Variants in CHUK observed in about 807,000 individuals in gnomAD.
CHUK encodes the protein component of inhibitor of nuclear factor kappa B kinase complex.
A neutral mutation model predicts 104.8 loss-of-function variants in CHUK; 35 were observed. The observed-to-expected ratio is 0.33, with a 90% CI of 0.26 to 0.44. The LOEUF (loss-of-function observed/expected upper bound fraction) is 0.44, where lower values mean the gene tolerates loss of function less well. Among genes scored for constraint, CHUK ranks in the 20% least tolerant of loss-of-function variants. CHUK has a pLI of 1.00. For missense variants in CHUK, 663 were observed against 902.7 expected, an observed-to-expected ratio of 0.73 and a Z score of 3.40; for synonymous variants, 276 against 291.9, an observed-to-expected ratio of 0.95 and a Z score of 0.56.
At chr10:100,215,214 C>CAAA (rs913817319) in intron 9 of CHUK, among the ~76,000 whole-genome samples, 2,756 of 49,044 alleles carry the variant, frequency 0.056, 65 homozygotes, top group East Asian at 0.099. Context: ...GGCTCCATAT[C>CAAA]AAAAAAAAAA....
chr10:100,206,911 A>G (rs2134225031), intron 11 of CHUK, among the ~76,000 whole-genome samples: 1 of 152,324 alleles, frequency 6.6e-6, no homozygotes. Context: ...AATGAAATAA[A>G]TACTTGAACA....
intron 20 of CHUK, among the ~76,000 whole-genome samples, 156 bp from the exon 21 acceptor site, chr10:100,189,783 A>C (rs1845151078): frequency 6.6e-6 from 1 of 151,040 alleles, no homozygotes; most frequent in African/African-American, 2.4e-5. Context: ...AAAATTTCAG[A>C]GTTTTTTTCA....
chr10:100,189,482 A>G lies in CHUK; in HGVS notation c.*116T>C. ...CATAGTAGAAATGTAGTTTCTGTTCATAGCCATTTCTTCCATTGACTGATG... is the reference window on the plus strand; with the variant it reads ...CATAGTAGAAATGTAGTTTCTGTTCGTAGCCATTTCTTCCATTGACTGATG... On this transcript the variant is annotated 3_prime_UTR_variant, in exon 21 of 21. Coordinates refer to ENST00000370397, the MANE Select transcript of CHUK (RefSeq NM_001278.5). 2.4e-6 allele frequency: 2 copies of G among 818,164 alleles called. No homozygotes were observed. Among genetic ancestry groups the G allele is most frequent in the Non-Finnish European group, 4.4e-6 (2 of 457,610 alleles). 50.7% of individuals were successfully genotyped at this position (818,164 alleles called of 1,614,324 possible).
At chr10:100,199,311 T>C (rs1845409020) in intron 16 of CHUK, among the ~76,000 whole-genome samples, 1 of 152,112 alleles carries the variant, frequency 6.6e-6, no homozygotes, top group Admixed American at 6.5e-5. Flanking sequence ...CTCAAATTCT[T>C]TCCAACCTCT....
At position 100,193,495 on chromosome 10, in the gene CHUK, T is replaced by G. The variant is rs1313052525; in HGVS notation, c.1975-64A>C. The G allele has an allele frequency of 3.8e-6, 6 of 1,579,884 alleles. No homozygotes were observed. The East Asian group carries it at 1.3e-4, about 35-fold the overall frequency. ...AGCATCTCTGTTGATTCACACAATT[T>G]CTTATCATATTCCTAAGACTTACAT... On this transcript the variant is annotated intron_variant, in intron 18 of 20. Transcript: ENST00000370397.
intron 9 of CHUK, among the ~76,000 whole-genome samples, chr10:100,212,730 C>T (rs917513998): frequency 6.6e-6 from 1 of 152,044 alleles, no homozygotes; most frequent in Admixed American, 6.6e-5. Context: ...TGAGGCTGGG[C>T]GTGGTGGCTC....
At chr10:100,191,270 GTAAC>G (rs1013454875) in intron 19 of CHUK, among the ~76,000 whole-genome samples, 7 of 152,200 alleles carry the variant, frequency 4.6e-5, no homozygotes, top group Admixed American at 4.6e-4. Context: ...CCGTGAAAAT[GTAAC>G]TAGGGAGGAA....
intron 16 of CHUK, chr10:100,194,914 C>G (rs1845289074): frequency 1.3e-5 from 2 of 159,472 alleles, no homozygotes; most frequent in Non-Finnish European, 2.8e-5. Context: ...ATTCATCAAA[C>G]TTTCATTACC....
At chr10:100,189,811 C>T (rs919198335) in intron 20 of CHUK, among the ~76,000 whole-genome samples, 184 bp from the exon 21 acceptor site, 11 of 150,440 alleles carry the variant, frequency 7.3e-5, no homozygotes, top group Non-Finnish European at 1.5e-4. Flanking sequence ...TTGAAGTAAA[C>T]AATTATTCTT....
At chr10:100,221,786 C>T (rs1023084867) in intron 4 of CHUK, among the ~76,000 whole-genome samples, 5 of 152,012 alleles carry the variant, frequency 3.3e-5, no homozygotes, top group Non-Finnish European at 7.4e-5. Flanking sequence ...TACAGGCATG[C>T]GGCATTGTGC....
intron 9 of CHUK, among the ~76,000 whole-genome samples, chr10:100,216,774 C>T (rs1845865016): frequency 6.6e-6 from 1 of 152,186 alleles, no homozygotes; most frequent in African/African-American, 2.4e-5. Flanking sequence ...TCTGGGTACA[C>T]TGCATAATAG....
downstream of CHUK, chr10:100,188,005 C>T (rs1001200010): frequency 6.6e-6 from 1 of 152,220 alleles, no homozygotes; most frequent in East Asian, 1.9e-4. Context: ...ACCAGGGAAA[C>T]AAGAGAGAGA....
rs191678586 is a variant in CHUK at position 100,191,307 on chromosome 10, A to T, written c.2109-339T>A. ...GAAAAAATCCTTGTGGCAAAGACAG[A>T]TGAAATACGTTTTTGTTTCTAAATA... On this transcript the variant is annotated intron_variant, in intron 19 of 20. Transcript: ENST00000370397. Among the ~76,000 whole-genome samples, 4 of 152,384 alleles carry T rather than the reference A, an allele frequency of 2.6e-5. No homozygotes were observed. In the East Asian group the frequency reaches 7.7e-4, roughly 29 times the overall value.
rs768473545 is a variant in CHUK, at chr10:100,220,661, T to C, written c.401A>G (p.Tyr134Cys). 1 of 1,606,674 alleles carries C rather than the reference T, an allele frequency of 6.2e-7. No homozygotes were observed. Among genetic ancestry groups the C allele is most frequent in the South Asian group, 1.1e-5 (1 of 90,918 alleles). The change falls in exon 5 of 21, where the codon TAT becomes TGT. Residue 134 changes from tyrosine to cysteine, a missense_variant. By Grantham distance (194) the Tyr-to-Cys change is radical (BLOSUM62 -2). This residue lies in a region of CHUK where 200 missense variants were observed against 333.0 expected (regional missense o/e 0.60). Coordinates refer to ENST00000370397, the MANE Select transcript of CHUK (RefSeq NM_001278.5). ...ATGTATAATTTTGTTTTCATGCAAA[T>C]ATCGAATCCCAGACCCTAAATAAAG... is the stretch of plus-strand genomic sequence containing the variant. ...LLSDIGSGIR[Y>C]LHENKIIHRD...
At position 100,225,905 on chromosome 10, in the gene CHUK, G is replaced by C. The variant is rs752282110; in HGVS notation, c.200+18C>G. On this transcript the variant is annotated intron_variant, in intron 2 of 20. Coordinates refer to ENST00000370397, the MANE Select transcript of CHUK (RefSeq NM_001278.5). The stretch of plus-strand genomic sequence containing the variant: ...GGGCTGTAGAACCAGGGAAATGTAA[G>C]TCAAGGAATACACTTACTTCTTCAT... 8.9e-6 allele frequency: 13 copies of C among 1,454,820 alleles called. No individual in the cohort carries two copies. The African/African-American group carries it at 1.4e-4, about 16-fold the overall frequency. The allele number at this position is 1,454,820 out of a possible 1,614,324, so 90.1% of individuals were successfully genotyped here. A position where few individuals can be genotyped will look rare whatever the true frequency, so the allele number is the denominator to read the frequency against.
At position 100,209,749 on chromosome 10, in the gene CHUK, G is replaced by T. The variant is rs1420707540; in HGVS notation, c.974C>A (p.Ser325Tyr). The part of the protein sequence containing the change: ...ILNMTSAKII[S>Y]FLLPPDESLH... The stretch of plus-strand genomic sequence containing the variant: ...ACTTTCATCAGGTGGTAACAGAAAA[G>T]AAATTATCTTTGCAGAAGTCATATT... Residue 325 changes from serine (S) to tyrosine (Y), a missense_variant, in exon 10 of 21, where the codon TCT becomes TAT. Around this residue, in one of 5 missense-constraint regions of CHUK, gnomAD observed 93 missense variants for 95.9 expected, o/e 0.97. Coordinates refer to ENST00000370397, the MANE Select transcript of CHUK (RefSeq NM_001278.5). The T allele has an allele frequency of 3.2e-6, 5 of 1,539,856 alleles. No homozygotes were observed. Among genetic ancestry groups the T allele is most frequent in the Non-Finnish European group, 4.5e-6 (5 of 1,112,654 alleles).
In CHUK at chr10:100,188,918, T is replaced by C. The variant is rs547831928; in HGVS notation, c.*680A>G. The C allele has an allele frequency of 1.3e-5, 2 of 152,306 alleles. No homozygotes were observed. Among genetic ancestry groups the C allele is most frequent in the Non-Finnish European group, 2.9e-5 (2 of 67,996 alleles). 9.4% of individuals were successfully genotyped at this position (152,306 alleles called of 1,614,324 possible). ...ATCTTCTCTTTGATATTATTAAATGTACATCTTAAATACATATACACACAA... is the reference window on the plus strand; with the variant it reads ...ATCTTCTCTTTGATATTATTAAATGCACATCTTAAATACATATACACACAA... On this transcript the variant is annotated 3_prime_UTR_variant, in exon 21 of 21. Transcript: ENST00000370397.
At chr10:100,219,392 T>C in intron 5 of CHUK, 33 bp from the exon 6 acceptor site, 1 of 1,182,916 alleles carries the variant, frequency 8.5e-7, no homozygotes, top group Non-Finnish European at 1.3e-6. Context: ...AAGTATTAAA[T>C]GGTAGAGAAA....
Position 100,229,596 on chromosome 10 carries a change from T to C in CHUK, c.-64A>G. ...TCCAAGGCCGGTTCCGGGCCGCCGA[T>C]GCTCGCGCGTCTTTGTTCTCGCGAG... On this transcript the variant is annotated 5_prime_UTR_variant, in exon 1 of 21. Transcript: ENST00000370397. 2 of 951,716 alleles carry C rather than the reference T, an allele frequency of 2.1e-6. No individual in the cohort carries two copies. Among genetic ancestry groups the C allele is most frequent in the Non-Finnish European group, 3.1e-6 (2 of 639,252 alleles). 59.0% of individuals were successfully genotyped at this position (951,716 alleles called of 1,614,324 possible).
Sources: gnomAD v4.1 joint callset for allele counts (sites outside exome capture counted in the v4.1 genomes callset) on GRCh38, gnomAD v4.1.1 for gene constraint, gnomAD v4.1.1 regional missense constraint, MANE v1.5 for transcripts, NCBI Gene and HGNC (gene_info 2026-07-23, HGNC 2026-07-21) for gene names.